Variants in DSCAM observed in about 807,000 individuals in gnomAD.
The protein encoded by DSCAM is cell adhesion molecule DSCAM.
In DSCAM, 47 loss-of-function variants were observed where a neutral mutation model predicts 217.7. That is an observed-to-expected ratio of 0.22 (90% CI 0.17 to 0.28). The LOEUF is 0.28. Among genes scored for constraint, DSCAM ranks in the 10% least tolerant of loss-of-function variants. DSCAM has a pLI of 1.00. For synonymous variants in DSCAM, 1,056 were observed against 1,015.3 expected, an observed-to-expected ratio of 1.04 and a Z score of -0.76; for missense variants, 2,080 against 2,618.3, an observed-to-expected ratio of 0.79 and a Z score of 4.49.
chr21:40,608,796 TACA>T (rs1427425935), intron 3 of DSCAM, among the ~76,000 whole-genome samples: 2 of 152,214 alleles, frequency 1.3e-5, no homozygotes, highest in African/African-American at 4.8e-5. Context: ...TCTTAAAGGA[TACA>T]ACAATTTTGG....
At chr21:40,733,580 C>T (rs1040720439) in intron 1 of DSCAM, among the ~76,000 whole-genome samples, 4 of 152,194 alleles carry the variant, frequency 2.6e-5, no homozygotes, top group Non-Finnish European at 5.9e-5. Context: ...TAGGCCGCTG[C>T]TGAGAAACCT....
intron 20 of DSCAM, among the ~76,000 whole-genome samples, chr21:40,102,923 C>T (rs1010574947): frequency 1.4e-4 from 22 of 152,134 alleles, no homozygotes; most frequent in Admixed American, 3.9e-4. Flanking sequence ...TCAGGCTCCC[C>T]GACCCATCCC....
chr21:40,290,280 T>C (rs895255026), intron 10 of DSCAM, among the ~76,000 whole-genome samples: 1 of 152,194 alleles, frequency 6.6e-6, no homozygotes, highest in Non-Finnish European at 1.5e-5. Context: ...ACCACATCTA[T>C]GGGAAAATTG....
chr21:40,592,694 C>A (rs2076992407), intron 3 of DSCAM, among the ~76,000 whole-genome samples: 1 of 152,158 alleles, frequency 6.6e-6, no homozygotes, highest in Non-Finnish European at 1.5e-5. Flanking sequence ...CTTGGAGAAC[C>A]CTTCCTGACC....
chr21:40,741,912 T>C (rs538567679), intron 1 of DSCAM, among the ~76,000 whole-genome samples: 12 of 152,330 alleles, frequency 7.9e-5, no homozygotes, highest in African/African-American at 2.9e-4. Context: ...TGAGAATTTC[T>C]ACTGTATGCC....
chr21:40,277,594 C>A (rs2073703880), intron 10 of DSCAM, among the ~76,000 whole-genome samples: 1 of 150,772 alleles, frequency 6.6e-6, no homozygotes. Context: ...TGGTTCCCAT[C>A]AAAATGGAAC....
At chr21:40,603,013 T>C (rs1303664573) in intron 3 of DSCAM, among the ~76,000 whole-genome samples, 1 of 152,124 alleles carries the variant, frequency 6.6e-6, no homozygotes, top group East Asian at 1.9e-4. Flanking sequence ...TCCCACATTT[T>C]GATAGGTTAT....
intron 3 of DSCAM, among the ~76,000 whole-genome samples, chr21:40,549,228 G>C (rs1046930360): frequency 6.6e-6 from 1 of 152,122 alleles, no homozygotes. Flanking sequence ...CTTGTTTTGA[G>C]AGAATACCAA....
chr21:40,233,400 TGAA>T (rs2091398968), intron 11 of DSCAM, among the ~76,000 whole-genome samples: 1 of 152,196 alleles, frequency 6.6e-6, no homozygotes, highest in African/African-American at 2.4e-5. Context: ...TTAAATCTGA[TGAA>T]GAAAATAAAG....
intron 1 of DSCAM, among the ~76,000 whole-genome samples, chr21:40,836,278 A>C (rs1228557263): frequency 6.6e-6 from 1 of 152,248 alleles, no homozygotes; most frequent in African/African-American, 2.4e-5. Flanking sequence ...CCAATGTGAG[A>C]AATACAATGG....
chr21:40,816,230 AG>A (rs1225516401), intron 1 of DSCAM, among the ~76,000 whole-genome samples: 1 of 152,212 alleles, frequency 6.6e-6, no homozygotes, highest in Admixed American at 6.5e-5. Context: ...AGGCTCAGAA[AG>A]GGTCCTAATT....
chr21:40,477,213 ATTCT>A (rs1025954691), intron 3 of DSCAM, among the ~76,000 whole-genome samples: 12 of 152,172 alleles, frequency 7.9e-5, no homozygotes, highest in Admixed American at 7.2e-4. Context: ...AGGAATATGA[ATTCT>A]TTTTCACTGA....
At chr21:40,093,963 TATC>T (rs1158645591) in intron 20 of DSCAM, 89 bp from the exon 21 acceptor site, 1 of 1,378,072 alleles carries the variant, frequency 7.3e-7, no homozygotes, top group Non-Finnish European at 9.9e-7. Context: ...ACATATTAAA[TATC>T]ATAACAAAAA....
intron 10 of DSCAM, among the ~76,000 whole-genome samples, chr21:40,284,266 G>A (rs1216681876): frequency 2.6e-5 from 4 of 152,230 alleles, no homozygotes; most frequent in Non-Finnish European, 5.9e-5. Context: ...GTGGACAGAG[G>A]TATAGTCCTG....
At chr21:40,397,440 CTT>C (rs956496475) in intron 3 of DSCAM, among the ~76,000 whole-genome samples, 3 of 152,098 alleles carry the variant, frequency 2.0e-5, no homozygotes, top group Non-Finnish European at 4.4e-5. Context: ...CCTGTTCCCC[CTT>C]TGCCTTCCAC....
intron 32 of DSCAM, among the ~76,000 whole-genome samples, chr21:40,036,969 C>T (rs79388963): frequency 2.7e-5 from 4 of 150,122 alleles, no homozygotes; most frequent in Non-Finnish European, 4.4e-5. Context: ...TTCAACAACC[C>T]TTCATGCTAA....
intron 18 of DSCAM, among the ~76,000 whole-genome samples, chr21:40,136,395 C>T (rs902777275): frequency 9.9e-5 from 15 of 152,186 alleles, no homozygotes; most frequent in Admixed American, 7.2e-4. Context: ...GTGAGAGGAT[C>T]GGTGGAGCCC....
chr21:40,074,362 A>G (rs1346360703), intron 27 of DSCAM, among the ~76,000 whole-genome samples: 1 of 152,224 alleles, frequency 6.6e-6, no homozygotes, highest in Non-Finnish European at 1.5e-5. Flanking sequence ...GCACAGTTTC[A>G]TATTTGAAAT....
At chr21:40,540,531 T>G (rs1460037983) in intron 3 of DSCAM, among the ~76,000 whole-genome samples, 1 of 152,202 alleles carries the variant, frequency 6.6e-6, no homozygotes, top group Non-Finnish European at 1.5e-5. Flanking sequence ...AAATATGGCC[T>G]TAATTCTTCC....
Sources: allele counts gnomAD v4.1 joint callset (sites outside exome capture counted in the v4.1 genomes callset), GRCh38; gene constraint gnomAD v4.1.1; transcripts MANE v1.5; gene names NCBI Gene and HGNC (gene_info 2026-07-23, HGNC 2026-07-21).